The following ADAM23 variants were observed in gnomAD, a reference collection of about 807,000 sequenced individuals.
ADAM23 encodes disintegrin and metalloproteinase domain-containing protein 23.
In ADAM23, 33 loss-of-function variants were observed where a neutral mutation model predicts 120.1. The ratio of observed to expected loss-of-function variants is 0.27; its 90% CI spans 0.21 to 0.37. The LOEUF (loss-of-function observed/expected upper bound fraction) is 0.37. Among genes scored for constraint, ADAM23 ranks in the 10% least tolerant of loss-of-function variants. The pLI, the probability that ADAM23 is intolerant of heterozygous loss-of-function variation, is 1.00. For missense variants in ADAM23, 862 were observed against 1,058.2 expected (o/e 0.81, Z 2.57); for synonymous variants, 367 against 375.2 (o/e 0.98, Z 0.25).
intron 14 of ADAM23, among the ~76,000 whole-genome samples, chr2:206,566,917 A>C (rs1697896196): frequency 6.6e-6 from 1 of 152,164 alleles, no homozygotes; most frequent in Non-Finnish European, 1.5e-5. Flanking sequence ...TTTAAAATAC[A>C]GCCTATTTGA....
chr2:206,539,294 G>A (rs1009193865), intron 4 of ADAM23, among the ~76,000 whole-genome samples: 2 of 152,218 alleles, frequency 1.3e-5, no homozygotes, highest in East Asian at 3.9e-4. Context: ...TTTTGGATCC[G>A]AAAATGCTGA....
chr2:206,447,143 A>G (rs1695097634), intron 2 of ADAM23, among the ~76,000 whole-genome samples: 1 of 152,130 alleles, frequency 6.6e-6, no homozygotes. Flanking sequence ...CTTATAGTTT[A>G]ACCTTATGTG....
chr2:206,522,119 G>C (rs542831699), intron 3 of ADAM23, among the ~76,000 whole-genome samples: 1 of 151,532 alleles, frequency 6.6e-6, no homozygotes, highest in South Asian at 2.1e-4. Flanking sequence ...TTATATATAT[G>C]TATGTAAATA....
intron 14 of ADAM23, among the ~76,000 whole-genome samples, chr2:206,565,283 C>G (rs1697855344): frequency 6.6e-6 from 1 of 152,070 alleles, no homozygotes; most frequent in African/African-American, 2.4e-5. Context: ...GTATTACCTT[C>G]TACTTCTTAT....
intron 3 of ADAM23, among the ~76,000 whole-genome samples, chr2:206,499,966 C>T (rs935721244): frequency 2.0e-5 from 3 of 152,082 alleles, no homozygotes; most frequent in East Asian, 1.9e-4. Context: ...CACCCAGCAC[C>T]GTGAACAACA....
At chr2:206,592,790 C>A in intron 22 of ADAM23, 54 bp downstream of exon 22, 3 of 1,533,832 alleles carry the variant, frequency 2.0e-6, no homozygotes, top group South Asian at 1.2e-5. Context: ...ACAAATTTCA[C>A]AAAATGAAAT....
chr2:206,590,334 G>A (rs1698403386), intron 21 of ADAM23, among the ~76,000 whole-genome samples: 1 of 152,178 alleles, frequency 6.6e-6, no homozygotes. Flanking sequence ...CTGGCCTCAA[G>A]TGATCCGCCC....
intron 3 of ADAM23, among the ~76,000 whole-genome samples, chr2:206,498,688 A>G (rs939299376): frequency 1.8e-4 from 27 of 152,210 alleles, no homozygotes; most frequent in Non-Finnish European, 2.1e-4. Flanking sequence ...GCACAGCAAA[A>G]GAAACTACCA....
intron 18 of ADAM23, among the ~76,000 whole-genome samples, chr2:206,584,075 TTTTCC>T (rs1698273721): frequency 6.6e-6 from 1 of 152,184 alleles, no homozygotes; most frequent in African/African-American, 2.4e-5. Flanking sequence ...ACTCTCCCCC[TTTTCC>T]TATGGGTATG....
intron 7 of ADAM23, 36 bp from the exon 8 acceptor site, chr2:206,548,245 G>A (rs1169982162): frequency 6.4e-7 from 1 of 1,572,376 alleles, no homozygotes; most frequent in Admixed American, 1.7e-5. Context: ...ATTGAAATAA[G>A]CATAAAATTT....
chr2:206,618,593 C>T lies in ADAM23; in HGVS notation c.*966C>T, dbSNP rs982725178. On this transcript the variant is annotated 3_prime_UTR_variant, in exon 26 of 26. Coordinates refer to ENST00000264377, the MANE Select transcript of ADAM23 (RefSeq NM_003812.4). ...CTGTCTCTGTCCTTCTCTCTTGTAA[C>T]GTGTTATACAATGACTCTTGGGCTT... is the stretch of plus-strand genomic sequence containing the variant. 2.6e-5 allele frequency: 4 copies of T among 151,960 alleles called. No individual in the cohort carries two copies. Among genetic ancestry groups the T allele is most frequent in the African/African-American group, 9.7e-5 (4 of 41,342 alleles). 9.4% of individuals were successfully genotyped at this position (151,960 alleles called of 1,614,324 possible).
chr2:206,498,782 A>G (rs899837660), intron 3 of ADAM23, among the ~76,000 whole-genome samples: 6 of 152,302 alleles, frequency 3.9e-5, no homozygotes, highest in Non-Finnish European at 8.8e-5. Flanking sequence ...CAGAATCTAC[A>G]ATGAACTCAA....
intron 3 of ADAM23, among the ~76,000 whole-genome samples, chr2:206,485,474 A>G (rs1050715583): frequency 1.3e-5 from 2 of 152,196 alleles, no homozygotes; most frequent in South Asian, 2.1e-4. Context: ...AGGTGTTACC[A>G]TAAGTTAATC....
chr2:206,550,076 A>G lies in ADAM23; in HGVS notation c.868-19A>G. The G allele has an allele frequency of 6.7e-7, 1 of 1,484,446 alleles. No individual in the cohort carries two copies. The highest frequency in any genetic ancestry group is 9.4e-7 in the Non-Finnish European group (1 of 1,069,174). 92.0% of individuals were successfully genotyped at this position (1,484,446 alleles called of 1,614,324 possible). A position where few individuals can be genotyped will look rare whatever the true frequency, so the allele number is the denominator to read the frequency against. On this transcript the variant is annotated intron_variant, in intron 8 of 25. Coordinates refer to ENST00000264377, the MANE Select transcript of ADAM23 (RefSeq NM_003812.4). ...TTATGTCAATCACTATTCTGACCATATATTTTTATTTTCCGTAGCCATCAC... is the reference window on the plus strand; with the variant it reads ...TTATGTCAATCACTATTCTGACCATGTATTTTTATTTTCCGTAGCCATCAC...
intron 2 of ADAM23, among the ~76,000 whole-genome samples, chr2:206,450,111 A>G (rs1439052515): frequency 6.6e-6 from 1 of 152,222 alleles, no homozygotes; most frequent in Non-Finnish European, 1.5e-5. Flanking sequence ...AAAGAGGAAC[A>G]TAGGATGAAG....
chr2:206,484,766 T>TTTGGG (rs1695975560), intron 3 of ADAM23, among the ~76,000 whole-genome samples: 1 of 152,186 alleles, frequency 6.6e-6, no homozygotes, highest in African/African-American at 2.4e-5. Flanking sequence ...TACCCAAATC[T>TTTGGG]TACTTTGAAT....
chr2:206,501,288 A>T (rs1215999256), intron 3 of ADAM23, among the ~76,000 whole-genome samples: 5 of 151,804 alleles, frequency 3.3e-5, no homozygotes, highest in Non-Finnish European at 7.4e-5. Flanking sequence ...ATTCCTGAAC[A>T]CTTCCAGACT....
At chr2:206,520,029 T>TAAA (rs1162991421) in intron 3 of ADAM23, among the ~76,000 whole-genome samples, 1 of 151,934 alleles carries the variant, frequency 6.6e-6, no homozygotes, top group Non-Finnish European at 1.5e-5. Context: ...AAATAAAAAA[T>TAAA]AAAAAGGAGC....
rs114272922 is a variant in ADAM23, at chr2:206,591,815, A to G, written c.1959-802A>G. Among the ~76,000 whole-genome samples, 964 of 152,318 alleles carry G rather than the reference A, an allele frequency of 6.3e-3. 17 individuals are homozygous for G. Among genetic ancestry groups the G allele is most frequent in the African/African-American group, 0.022 (928 of 41,566 alleles). The stretch of plus-strand genomic sequence containing the variant: ...GTACCATATTTCACCAACACTTGGT[A>G]TTATCAGACTTTTTGCTTTTATCTG... On this transcript the variant is annotated intron_variant, in intron 21 of 25. Transcript: ENST00000264377.
Sources: allele counts gnomAD v4.1 joint callset (sites outside exome capture counted in the v4.1 genomes callset), GRCh38; gene constraint gnomAD v4.1.1; transcripts MANE v1.5; gene names NCBI Gene and HGNC (gene_info 2026-07-23, HGNC 2026-07-21).